TSHZ3: variants seen among roughly 807,000 people sequenced by gnomAD.
TSHZ3 encodes teashirt homolog 3.
In TSHZ3, 10 loss-of-function variants were observed where a neutral mutation model predicts 64.5. The ratio of observed to expected loss-of-function variants is 0.16; its 90% CI spans 0.10 to 0.26. The LOEUF is 0.26. Among genes scored for constraint, TSHZ3 ranks in the 10% least tolerant of loss-of-function variants. TSHZ3 has a pLI of 1.00. For synonymous variants in TSHZ3, 608 were observed against 593.1 expected (o/e 1.03, Z -0.36); for missense variants, 1,242 against 1,421.7 (o/e 0.87, Z 2.03).
intron 5 of TSHZ3, among the ~76,000 whole-genome samples, chr19:31,187,843 C>CTTTGTTATTTATTTAACTTTG (rs1974836924): frequency 6.6e-6 from 1 of 152,068 alleles, no homozygotes; most frequent in Admixed American, 6.6e-5. Flanking sequence ...CACAGGCAGT[C>CTTTGTTATTTATTTAACTTTG]TTAAAATCAG....
At chr19:31,293,768 T>C (rs1976616098) in intron 1 of TSHZ3, among the ~76,000 whole-genome samples, 1 of 151,806 alleles carries the variant, frequency 6.6e-6, no homozygotes, top group African/African-American at 2.4e-5. Flanking sequence ...CCATATACAC[T>C]ACAGGAGCAT....
intron 1 of TSHZ3, among the ~76,000 whole-genome samples, chr19:31,309,918 C>A (rs1447028904): frequency 6.6e-6 from 1 of 152,134 alleles, no homozygotes; most frequent in Admixed American, 6.5e-5. Context: ...ACACTCCAAC[C>A]CCCTTGAGGA....
chr19:31,192,771 C>T (rs1193874998), intron 5 of TSHZ3, among the ~76,000 whole-genome samples: 1 of 152,218 alleles, frequency 6.6e-6, no homozygotes, highest in Non-Finnish European at 1.5e-5. Flanking sequence ...GCAAACAACA[C>T]TGCAGAGGAA....
chr19:31,343,974 T>A (rs534897390), intron 1 of TSHZ3, among the ~76,000 whole-genome samples: 1 of 152,332 alleles, frequency 6.6e-6, no homozygotes. Flanking sequence ...CATAAAATTG[T>A]CATCTTATCT....
chr19:31,279,636 C>CGAG lies in TSHZ3; in HGVS notation c.154_156dup (p.Leu52dup). 1 of 1,610,824 alleles carries CGAG rather than the reference C, an allele frequency of 6.2e-7. No individual in the cohort carries two copies. On this transcript the variant is annotated inframe_insertion, in exon 2 of 2. Coordinates refer to ENST00000240587, the MANE Select transcript of TSHZ3 (RefSeq NM_020856.4). This position sits in a 1 kb window ranked among gnomAD's most constrained non-coding sequence, Gnocchi z 6.4. ...TTCTGGTAGCTGGGGCAGGCCCTGG[C>CGAG]GAGCTCCTTCTCCGGGCACATGTAC...
chr19:31,213,243 G>A (rs192943785), intron 4 of TSHZ3, among the ~76,000 whole-genome samples: 11 of 151,290 alleles, frequency 7.3e-5, no homozygotes, highest in Admixed American at 1.3e-4. Context: ...TGTAGTCCCA[G>A]CTACTCAGGA....
chr19:31,207,283 A>G (rs1975193730), intron 4 of TSHZ3, among the ~76,000 whole-genome samples: 1 of 152,206 alleles, frequency 6.6e-6, no homozygotes, highest in Non-Finnish European at 1.5e-5. Flanking sequence ...TTAGCTAACC[A>G]TTATATTTCC....
intron 1 of TSHZ3, among the ~76,000 whole-genome samples, chr19:31,296,469 G>A (rs1456078928): frequency 1.3e-5 from 2 of 151,646 alleles, no homozygotes; most frequent in Non-Finnish European, 2.9e-5. Flanking sequence ...CGAGTAGCTG[G>A]GATTAAAGGT....
intron 1 of TSHZ3, among the ~76,000 whole-genome samples, chr19:31,338,098 G>T (rs908234452): frequency 2.6e-5 from 4 of 151,964 alleles, no homozygotes; most frequent in Non-Finnish European, 5.9e-5. Flanking sequence ...CCAGCAGGAA[G>T]GCCTAGAGTT....
chr19:31,340,358 A>C (rs1401340299), intron 1 of TSHZ3, among the ~76,000 whole-genome samples: 1 of 149,752 alleles, frequency 6.7e-6, no homozygotes, highest in Non-Finnish European at 1.5e-5. Flanking sequence ...AAAAAAAAAA[A>C]AAAAAACCAC....
intron 1 of TSHZ3, among the ~76,000 whole-genome samples, chr19:31,303,980 A>T (rs926329879): frequency 4.0e-4 from 58 of 146,708 alleles, no homozygotes; most frequent in Admixed American, 6.1e-4. Flanking sequence ...TTTTATTTTC[A>T]TTTTTTTTTT....
At chr19:31,280,732 G>A (rs1194757056) in intron 1 of TSHZ3, among the ~76,000 whole-genome samples, 1 of 152,262 alleles carries the variant, frequency 6.6e-6, no homozygotes, top group African/African-American at 2.4e-5. Context: ...TAACTGGGAT[G>A]TAAATCCAGC....
chr19:31,332,271 G>A lies in TSHZ3; in HGVS notation c.40+16909C>T, dbSNP rs575254290. 5.3e-5 allele frequency among the ~76,000 whole-genome samples: 8 copies of A among 152,170 alleles called. No homozygotes were observed. In the East Asian group the frequency reaches 5.8e-4, roughly 11 times the overall value. ...ATTACAGAGACACAACCCAGAATGCGGCTCCCACTCGCTCTGCCACGATTC... is the reference window on the plus strand; with the variant it reads ...ATTACAGAGACACAACCCAGAATGCAGCTCCCACTCGCTCTGCCACGATTC... On this transcript the variant is annotated intron_variant, in intron 1 of 1. Transcript: ENST00000240587.
intron 1 of TSHZ3, among the ~76,000 whole-genome samples, chr19:31,265,814 A>C (rs1663211563): frequency 6.6e-6 from 1 of 152,166 alleles, no homozygotes; most frequent in Admixed American, 6.5e-5. Context: ...CAAAGGGAAA[A>C]GTGCCTGAGT....
Position 31,310,036 on chromosome 19 carries a change from G to A in TSHZ3, c.41-30284C>T, listed in dbSNP as rs182822666. On this transcript the variant is annotated intron_variant, in intron 1 of 1. Coordinates refer to ENST00000240587, the MANE Select transcript of TSHZ3 (RefSeq NM_020856.4). ...CATACTCCAGTAGCCTGGTGCCCTC[G>A]GAGGAATTTGTGATGATGGGAAAAT... 1.2e-4 allele frequency among the ~76,000 whole-genome samples: 19 copies of A among 152,280 alleles called. No individual in the cohort carries two copies. The East Asian group carries it at 2.9e-3, about 23-fold the overall frequency.
intron 3 of TSHZ3, among the ~76,000 whole-genome samples, chr19:31,241,746 C>G (rs2049298300): frequency 6.6e-6 from 1 of 152,228 alleles, no homozygotes; most frequent in African/African-American, 2.4e-5. Flanking sequence ...CTATTACAAC[C>G]CCGGCAGGGG....
At chr19:31,175,629 G>C (rs1409246558) in intron 5 of TSHZ3, among the ~76,000 whole-genome samples, 1 of 152,242 alleles carries the variant, frequency 6.6e-6, no homozygotes, top group Non-Finnish European at 1.5e-5. Flanking sequence ...CTTCAGGAAA[G>C]GGAGCACATC....
upstream of TSHZ3, among the ~76,000 whole-genome samples, chr19:31,350,433 C>T (rs967967432): frequency 7.9e-5 from 12 of 151,410 alleles, no homozygotes; most frequent in African/African-American, 2.9e-4. Context: ...CCCCGGGAGC[C>T]GGGCCGCGCC....
At chr19:31,168,327 T>C (rs572464722) in intron 5 of TSHZ3, among the ~76,000 whole-genome samples, 1 of 152,240 alleles carries the variant, frequency 6.6e-6, no homozygotes, top group South Asian at 2.1e-4. Flanking sequence ...TCATGGGAAA[T>C]ATCCTCTTTT....
Sources: allele counts gnomAD v4.1 joint callset (sites outside exome capture counted in the v4.1 genomes callset), GRCh38; gene constraint gnomAD v4.1.1; non-coding constraint Gnocchi (gnomAD v3.1); transcripts MANE v1.5; gene names NCBI Gene and HGNC (gene_info 2026-07-23, HGNC 2026-07-21).